The following WWOX variants were observed in gnomAD, a reference collection of about 807,000 sequenced individuals.
WWOX encodes WW domain containing oxidoreductase.
A neutral mutation model predicts 46.2 loss-of-function variants in WWOX; 69 were observed. The ratio of observed to expected loss-of-function variants is 1.49; its 90% CI spans 1.23 to 1.82. The LOEUF (loss-of-function observed/expected upper bound fraction) is 1.82, where lower values mean the gene tolerates loss of function less well. Ranked by LOEUF, WWOX falls within the 40% of genes most tolerant of loss-of-function variation. The pLI, the probability that WWOX is intolerant of heterozygous loss-of-function variation, is 0.00. For missense variants in WWOX, 919 were observed against 542.6 expected (o/e 1.69, Z -6.89); for synonymous variants, 359 against 202.6 (o/e 1.77, Z -6.56).
At chr16:78,108,308 C>G (rs569903668) in intron 1 of WWOX, 115 bp from the exon 2 acceptor site, 2 of 1,025,716 alleles carry the variant, frequency 1.9e-6, no homozygotes, top group Non-Finnish European at 2.9e-6. Flanking sequence ...CTCCTTCTTC[C>G]CCCTACTTCC....
intron 8 of WWOX, among the ~76,000 whole-genome samples, chr16:78,903,513 A>G (rs1296898790): frequency 1.3e-5 from 2 of 152,320 alleles, no homozygotes; most frequent in African/African-American, 2.4e-5. Flanking sequence ...GGTACTTTCA[A>G]TTTCCCATCT....
At chr16:78,463,736 C>G (rs959667790) in intron 8 of WWOX, among the ~76,000 whole-genome samples, 4 of 152,188 alleles carry the variant, frequency 2.6e-5, no homozygotes, top group Non-Finnish European at 4.4e-5. Flanking sequence ...TTGGGTAATT[C>G]TAATGCTTAC....
chr16:78,870,867 G>C (rs1253108545), intron 8 of WWOX, among the ~76,000 whole-genome samples: 1 of 152,164 alleles, frequency 6.6e-6, no homozygotes, highest in Non-Finnish European at 1.5e-5. Context: ...TTCCCAAAGT[G>C]CTAGGATTAT....
intron 8 of WWOX, among the ~76,000 whole-genome samples, chr16:78,827,254 C>G (rs2051682985): frequency 1.3e-5 from 2 of 152,190 alleles, no homozygotes; most frequent in Admixed American, 1.3e-4. Context: ...GTTAATTGCT[C>G]ACTGTCCAAG....
In WWOX at chr16:78,607,644, CT is replaced by C. The variant is rs4035989; in HGVS notation, c.1056+174906del. Among the ~76,000 whole-genome samples the C allele has an allele frequency of 9.1e-3, 1,284 of 141,488 alleles. 18 individuals are homozygous for C. The highest frequency in any genetic ancestry group is 0.024 in the African/African-American group (935 of 38,490). 92.8% of individuals were successfully genotyped at this position (141,488 alleles called of 152,430 possible). On this transcript the variant is annotated intron_variant, in intron 8 of 8. Coordinates refer to ENST00000566780, the MANE Select transcript of WWOX (RefSeq NM_016373.4). ...TAAGAGGAGTGACTCATTTGTTCTTCTTTTTTTTTTTTTTGGCTGTCTACAG... is the reference window on the plus strand; with the variant it reads ...TAAGAGGAGTGACTCATTTGTTCTTCTTTTTTTTTTTTTGGCTGTCTACAG...
intron 5 of WWOX, among the ~76,000 whole-genome samples, chr16:78,316,866 AC>A (rs2080366351): frequency 6.6e-6 from 1 of 152,136 alleles, no homozygotes; most frequent in Non-Finnish European, 1.5e-5. Context: ...CCAACCCTGC[AC>A]CCTGGGACAT....
At chr16:79,048,036 C>T (rs2048098190) in intron 8 of WWOX, among the ~76,000 whole-genome samples, 1 of 152,126 alleles carries the variant, frequency 6.6e-6, no homozygotes, top group East Asian at 1.9e-4. Flanking sequence ...ACTGGCATCC[C>T]TCTGCTCCCT....
chr16:78,897,207 G>A (rs1204794594), intron 8 of WWOX: 1 of 119,936 alleles, frequency 8.3e-6, no homozygotes, highest in Non-Finnish European at 1.6e-5. Context: ...TGGCACTGCT[G>A]CACTCTAGCC....
At chr16:78,553,711 T>C (rs2044225844) in intron 8 of WWOX, among the ~76,000 whole-genome samples, 1 of 152,006 alleles carries the variant, frequency 6.6e-6, no homozygotes, top group African/African-American at 2.4e-5. Context: ...CTAGAAGGTC[T>C]GTGAGGGAGG....
At chr16:78,534,518 G>T (rs2043709746) in intron 8 of WWOX, 1 of 152,048 alleles carries the variant, frequency 6.6e-6, no homozygotes, top group Non-Finnish European at 1.5e-5. Flanking sequence ...TTTCAAGAGT[G>T]ACATTTTGGC....
intron 8 of WWOX, among the ~76,000 whole-genome samples, chr16:78,673,079 G>C (rs1597426112): frequency 1.3e-5 from 2 of 152,360 alleles, no homozygotes; most frequent in East Asian, 3.9e-4. Context: ...ATCATGCTTA[G>C]AGGGCTCAGA....
At chr16:78,748,209 G>C (rs1270736149) in intron 8 of WWOX, among the ~76,000 whole-genome samples, 3 of 152,254 alleles carry the variant, frequency 2.0e-5, no homozygotes, top group Middle Eastern at 3.4e-3. Context: ...CTAGGGCAGT[G>C]TCCACTCAAT....
intron 8 of WWOX, among the ~76,000 whole-genome samples, chr16:78,676,722 CTCA>C (rs1334767067): frequency 6.6e-6 from 1 of 152,170 alleles, no homozygotes; most frequent in Non-Finnish European, 1.5e-5. Context: ...AAAGCAAGTT[CTCA>C]TCATTTATAC....
intron 8 of WWOX, among the ~76,000 whole-genome samples, chr16:78,533,475 G>C (rs895814258): frequency 1.3e-4 from 20 of 152,014 alleles, no homozygotes; most frequent in Non-Finnish European, 1.9e-4. Context: ...ATTTGTGTTG[G>C]GCCAGATTCA....
chr16:78,705,081 T>C (rs1597467933), intron 8 of WWOX, among the ~76,000 whole-genome samples: 1 of 152,244 alleles, frequency 6.6e-6, no homozygotes, highest in South Asian at 2.1e-4. Flanking sequence ...CCTGGTTTAT[T>C]GAGTTAGTTA....
chr16:78,672,082 T>C (rs942890042), intron 8 of WWOX, among the ~76,000 whole-genome samples: 1 of 152,216 alleles, frequency 6.6e-6, no homozygotes, highest in Non-Finnish European at 1.5e-5. Flanking sequence ...TCTGTTATCT[T>C]ACTTCACAAC....
intron 8 of WWOX, among the ~76,000 whole-genome samples, chr16:78,705,551 C>T (rs1369479299): frequency 1.3e-5 from 2 of 152,248 alleles, no homozygotes; most frequent in East Asian, 3.9e-4. Flanking sequence ...CTGCTCTTAG[C>T]CTGCAGTGGT....
At chr16:78,332,684 C>T (rs553586740) in intron 5 of WWOX, among the ~76,000 whole-genome samples, 4 of 152,160 alleles carry the variant, frequency 2.6e-5, no homozygotes, top group Non-Finnish European at 4.4e-5. Flanking sequence ...CTGAGAGTTG[C>T]CCAAATTAGT....
At chr16:78,911,031 A>G (rs1255208268) in intron 8 of WWOX, among the ~76,000 whole-genome samples, 3 of 152,058 alleles carry the variant, frequency 2.0e-5, no homozygotes, top group East Asian at 1.9e-4. Flanking sequence ...AAATTAAAAA[A>G]TGGCTTTCCC....
Sources: allele counts gnomAD v4.1 joint callset (sites outside exome capture counted in the v4.1 genomes callset), GRCh38; gene constraint gnomAD v4.1.1; transcripts MANE v1.5; gene names NCBI Gene and HGNC (gene_info 2026-07-23, HGNC 2026-07-21).